Variants in CADM1 observed in about 807,000 individuals in gnomAD.
CADM1 encodes the protein cell adhesion molecule 1, also known as TSLC-1.
A neutral mutation model predicts 53.1 loss-of-function variants in CADM1; 15 were observed. The ratio of observed to expected loss-of-function variants is 0.28; its 90% CI spans 0.19 to 0.44. The LOEUF (loss-of-function observed/expected upper bound fraction) is 0.44. Among genes scored for constraint, CADM1 ranks in the 20% least tolerant of loss-of-function variants. CADM1 has a pLI of 1.00. For missense variants in CADM1, 434 were observed against 611.3 expected (o/e 0.71, Z 3.06); for synonymous variants, 281 against 243.0 (o/e 1.16, Z -1.45).
At chr11:115,199,268 G>A (rs943038231) in intron 8 of CADM1, among the ~76,000 whole-genome samples, 3 of 152,118 alleles carry the variant, frequency 2.0e-5, no homozygotes, top group Non-Finnish European at 4.4e-5. Context: ...CCATCCTTTC[G>A]CTCACAATTC....
intron 1 of CADM1, among the ~76,000 whole-genome samples, chr11:115,312,923 A>C (rs866878748): frequency 1.6e-4 from 24 of 152,142 alleles, no homozygotes; most frequent in African/African-American, 5.8e-4. Context: ...TAATTTCTCT[A>C]AACAATGTGA....
chr11:115,411,581 CTGAA>C (rs1286561820), intron 1 of CADM1, among the ~76,000 whole-genome samples: 1 of 152,206 alleles, frequency 6.6e-6, no homozygotes, highest in Non-Finnish European at 1.5e-5. Context: ...GAGTCTCTGA[CTGAA>C]TTTCACCCCT....
Position 115,400,661 on chromosome 11 carries a change from G to GTATATATA in CADM1, c.124+103602_124+103609dup, listed in dbSNP as rs372594262. On this transcript the variant is annotated intron_variant, in intron 1 of 11. Coordinates refer to ENST00000331581, the MANE Select transcript of CADM1 (RefSeq NM_001301043.2). ...TATATGTGTGTGTGTGTGTGTGTGT[G>GTATATATA]TATATATATATATATATATATATAT... is the stretch of plus-strand genomic sequence containing the variant. Among the ~76,000 whole-genome samples the GTATATATA allele has an allele frequency of 3.5e-3, 162 of 46,398 alleles. 2 individuals carry two copies. The highest frequency in any genetic ancestry group is 3.9e-3 in the Non-Finnish European group (88 of 22,712). 30.4% of individuals were successfully genotyped at this position (46,398 alleles called of 152,430 possible).
intron 1 of CADM1, among the ~76,000 whole-genome samples, chr11:115,499,181 T>TA (rs1463008241): frequency 6.6e-6 from 1 of 152,224 alleles, no homozygotes; most frequent in African/African-American, 2.4e-5. Context: ...AATCAAGCTC[T>TA]GTTCTTGTTC....
chr11:115,234,531 T>C (rs1941942776), intron 3 of CADM1, among the ~76,000 whole-genome samples: 2 of 152,190 alleles, frequency 1.3e-5, no homozygotes, highest in South Asian at 4.1e-4. Flanking sequence ...TAGGATTATA[T>C]GCCCAAAGAG....
chr11:115,483,206 C>T (rs927628340), intron 1 of CADM1, among the ~76,000 whole-genome samples: 7 of 152,188 alleles, frequency 4.6e-5, no homozygotes, highest in East Asian at 3.8e-4. Context: ...CAATTCAGAA[C>T]GTTTAAGAAC....
rs1938899776 is a variant in CADM1 at position 115,174,014 on chromosome 11, A to T, written c.*2460T>A. On this transcript the variant is annotated 3_prime_UTR_variant, in exon 12 of 12. Coordinates refer to ENST00000331581, the MANE Select transcript of CADM1 (RefSeq NM_001301043.2). ...ACTGTATACTTAAGAAAAAATACATAAACCAATATACAACTAAAATCCATA... is the reference window on the plus strand; with the variant it reads ...ACTGTATACTTAAGAAAAAATACATTAACCAATATACAACTAAAATCCATA... The T allele has an allele frequency of 1.0e-6, 1 of 965,522 alleles. No individual in the cohort carries two copies. Among genetic ancestry groups the T allele is most frequent in the Non-Finnish European group, 1.2e-6 (1 of 811,778 alleles). The allele number at this position is 965,522 out of a possible 1,614,324, so 59.8% of individuals were successfully genotyped here.
chr11:115,487,509 A>G (rs572231011), intron 1 of CADM1, among the ~76,000 whole-genome samples: 1 of 152,316 alleles, frequency 6.6e-6, no homozygotes, highest in East Asian at 1.9e-4. Context: ...ATGTAATCAC[A>G]GGTAAATTAA....
At chr11:115,233,722 A>G (rs1475747257) in intron 3 of CADM1, among the ~76,000 whole-genome samples, 1 of 152,230 alleles carries the variant, frequency 6.6e-6, no homozygotes, top group Non-Finnish European at 1.5e-5. Context: ...AAGTAAAAAA[A>G]AAAAATACCT....
At chr11:115,194,937 G>T (rs989515472) in intron 9 of CADM1, among the ~76,000 whole-genome samples, 1 of 152,180 alleles carries the variant, frequency 6.6e-6, no homozygotes, top group African/African-American at 2.4e-5. Flanking sequence ...TACACCATCC[G>T]TGCGTTAAAT....
At chr11:115,284,050 C>T (rs1443184219) in intron 1 of CADM1, among the ~76,000 whole-genome samples, 2 of 144,246 alleles carry the variant, frequency 1.4e-5, no homozygotes, top group Non-Finnish European at 3.0e-5. Flanking sequence ...GGCAGGGGGG[C>T]CTGTGAGAAC....
At chr11:115,429,583 G>C (rs924950719) in intron 1 of CADM1, among the ~76,000 whole-genome samples, 9 of 137,252 alleles carry the variant, frequency 6.6e-5, no homozygotes, top group African/African-American at 8.0e-5. Context: ...CTGGGCACAA[G>C]AGCAGAAAAA....
Position 115,421,856 on chromosome 11 carries a change from C to T in CADM1, c.124+82415G>A, listed in dbSNP as rs534329441. 6.4e-4 allele frequency among the ~76,000 whole-genome samples: 97 copies of T among 152,276 alleles called. No homozygotes were observed. The South Asian group carries it at 0.015, about 24-fold the overall frequency. ...GGCCTGCCAGATATAAAAGGGATCACGTCTCAACAGATAAGACTTGATAGA... is the reference window on the plus strand; with the variant it reads ...GGCCTGCCAGATATAAAAGGGATCATGTCTCAACAGATAAGACTTGATAGA... On this transcript the variant is annotated intron_variant, in intron 1 of 11. Coordinates refer to ENST00000331581, the MANE Select transcript of CADM1 (RefSeq NM_001301043.2).
intron 1 of CADM1, among the ~76,000 whole-genome samples, chr11:115,310,188 C>T (rs1471514682): frequency 1.3e-5 from 2 of 151,978 alleles, no homozygotes; most frequent in African/African-American, 4.8e-5. Context: ...AAGGTTATGC[C>T]TATAAAACTT....
chr11:115,375,187 T>G (rs1946407176), intron 1 of CADM1, among the ~76,000 whole-genome samples: 1 of 152,200 alleles, frequency 6.6e-6, no homozygotes, highest in Non-Finnish European at 1.5e-5. Context: ...CTGTTGAAGT[T>G]GAGTGATAAG....
At chr11:115,191,102 A>G in intron 9 of CADM1, 161 bp from the exon 10 acceptor site, 2 of 631,198 alleles carry the variant, frequency 3.2e-6, no homozygotes, top group Non-Finnish European at 5.5e-6. Flanking sequence ...CATTTCTTCA[A>G]TTATGTAATT....
Position 115,174,369 on chromosome 11 carries a change from G to A in CADM1, c.*2105C>T, listed in dbSNP as rs1207306536. 1 of 985,172 alleles carries A rather than the reference G, an allele frequency of 1.0e-6. No homozygotes were observed. The highest frequency in any genetic ancestry group is 1.1e-4 in the East Asian group (1 of 8,820). The allele number at this position is 985,172 out of a possible 1,614,324, so 61.0% of individuals were successfully genotyped here. ...CTAAATGATTCTCACCCTTTGATAT[G>A]ATTATACTATGGTCGGAATGGGTGC... On this transcript the variant is annotated 3_prime_UTR_variant, in exon 12 of 12. Transcript: ENST00000331581.
In CADM1 at chr11:115,200,170, C is replaced by A. The variant is rs577277691; in HGVS notation, c.1079-1732G>T. Reference sequence around the variant, plus strand: ...AATAGATGAAGGAAAGAGAAACATACAATATACCGCATAAGAACAAAATAC... The same window carrying A: ...AATAGATGAAGGAAAGAGAAACATAAAATATACCGCATAAGAACAAAATAC... On this transcript the variant is annotated intron_variant, in intron 8 of 11. Transcript: ENST00000331581. Among the ~76,000 whole-genome samples the A allele has an allele frequency of 2.6e-4, 40 of 152,280 alleles. 1 individual carries two copies. In the South Asian group the frequency reaches 8.3e-3, roughly 32 times the overall value.
chr11:115,218,975 G>GT (rs1941301342), intron 5 of CADM1, among the ~76,000 whole-genome samples: 3 of 150,326 alleles, frequency 2.0e-5, no homozygotes, highest in South Asian at 2.2e-4. Context: ...TTAGGAGATC[G>GT]TTTTTTTCAG....
Sources: gnomAD v4.1 joint callset for allele counts (sites outside exome capture counted in the v4.1 genomes callset) on GRCh38, gnomAD v4.1.1 for gene constraint, MANE v1.5 for transcripts, NCBI Gene and HGNC (gene_info 2026-07-23, HGNC 2026-07-21) for gene names.